Variants in CUL5 observed in about 807,000 individuals in gnomAD.
The protein encoded by CUL5 is cullin-5.
In CUL5, 26 loss-of-function variants were observed where a neutral mutation model predicts 108.8. The ratio of observed to expected loss-of-function variants is 0.24; its 90% CI spans 0.18 to 0.33. The LOEUF (loss-of-function observed/expected upper bound fraction) is 0.33. Among genes scored for constraint, CUL5 ranks in the 10% least tolerant of loss-of-function variants. The pLI is 1.00. For missense variants in CUL5, 524 were observed against 909.2 expected (o/e 0.58, Z 5.45); for synonymous variants, 334 against 298.0 (o/e 1.12, Z -1.25).
At chr11:108,102,296 G>A (rs1310727760) in intron 18 of CUL5, among the ~76,000 whole-genome samples, 1 of 151,642 alleles carries the variant, frequency 6.6e-6, no homozygotes, top group East Asian at 1.9e-4. Flanking sequence ...CTAAAGTGCT[G>A]GGATTACAGG....
At chr11:108,050,120 TG>T in intron 4 of CUL5, 54 bp downstream of exon 4, 1 of 1,442,958 alleles carries the variant, frequency 6.9e-7, no homozygotes, top group Non-Finnish European at 9.3e-7. Context: ...GAGGGTAATT[TG>T]GAAGCATTTG....
chr11:108,051,843 A>G (rs1322678267), intron 4 of CUL5, among the ~76,000 whole-genome samples: 1 of 152,248 alleles, frequency 6.6e-6, no homozygotes, highest in African/African-American at 2.4e-5. Flanking sequence ...GTATTATCAT[A>G]GTTAATTTTT....
intron 5 of CUL5, 22 bp from the exon 6 acceptor site, chr11:108,054,625 T>TA (rs750738840): frequency 6.8e-7 from 1 of 1,469,728 alleles, no homozygotes; most frequent in African/African-American, 1.4e-5. Flanking sequence ...ATTGGAGTAA[T>TA]ACTTTATTTT....
At chr11:108,094,340 A>G (rs1299191554) in intron 13 of CUL5, 51 bp from the exon 14 acceptor site, 1 of 1,357,510 alleles carries the variant, frequency 7.4e-7, no homozygotes, top group Non-Finnish European at 1.0e-6. Context: ...TCCCAGTAAT[A>G]TATCAGATTA....
intron 2 of CUL5, among the ~76,000 whole-genome samples, chr11:108,042,296 T>C (rs1285597788): frequency 6.8e-6 from 1 of 147,102 alleles, no homozygotes; most frequent in Non-Finnish European, 1.5e-5. Context: ...CTCGGCTCAC[T>C]GCAACCTCCA....
chr11:108,032,943 A>C (rs1239879887), intron 1 of CUL5, among the ~76,000 whole-genome samples: 1 of 152,156 alleles, frequency 6.6e-6, no homozygotes, highest in African/African-American at 2.4e-5. Flanking sequence ...TAGATGATAC[A>C]GTCTCCATAT....
At chr11:108,075,808 C>A (rs1863927801) in intron 10 of CUL5, among the ~76,000 whole-genome samples, 1 of 152,168 alleles carries the variant, frequency 6.6e-6, no homozygotes, top group South Asian at 2.1e-4. Context: ...ACGTGAGCCA[C>A]CACCCCTGGC....
rs1211908191 is a variant in CUL5 at position 108,043,338 on chromosome 11, T to C, written c.135-2932T>C. Reference sequence around the variant, plus strand: ...ATCCTCCTGCCTTGGCCTCCAAGAGTGCTAGGATTACAGACATGAGCCAAT... The same window carrying C: ...ATCCTCCTGCCTTGGCCTCCAAGAGCGCTAGGATTACAGACATGAGCCAAT... On this transcript the variant is annotated intron_variant, in intron 2 of 18. Transcript: ENST00000393094. Among the ~76,000 whole-genome samples the C allele has an allele frequency of 2.6e-5, 4 of 152,222 alleles. No homozygotes were observed. In the East Asian group the frequency reaches 7.7e-4, roughly 29 times the overall value.
chr11:108,096,140 T>G (rs1864486790), intron 16 of CUL5, among the ~76,000 whole-genome samples: 1 of 147,858 alleles, frequency 6.8e-6, no homozygotes, highest in Non-Finnish European at 1.5e-5. Context: ...CACGAGATAT[T>G]TATGGAAAAA....
At position 108,073,514 on chromosome 11, in the gene CUL5, A is replaced by G. The variant is rs745976190; in HGVS notation, c.1113+17A>G. ...AGAGATAAGGTATATATTCCTATAT[A>G]TATAAAAAACACTTTTAAAAGTTTT... On this transcript the variant is annotated intron_variant, in intron 10 of 18. Transcript: ENST00000393094. The G allele has an allele frequency of 3.3e-6, 4 of 1,203,582 alleles. No individual in the cohort carries two copies. The highest frequency in any genetic ancestry group is 4.7e-5 in the Admixed American group (2 of 42,868). 74.6% of individuals were successfully genotyped at this position (1,203,582 alleles called of 1,614,324 possible).
intron 7 of CUL5, among the ~76,000 whole-genome samples, chr11:108,057,225 A>G (rs982896295): frequency 6.6e-6 from 1 of 152,140 alleles, no homozygotes; most frequent in Non-Finnish European, 1.5e-5. Flanking sequence ...ATCACGTCTC[A>G]CTATGTTGGT....
At position 108,033,846 on chromosome 11, in the gene CUL5, C is replaced by G; in HGVS notation, c.69C>G (p.Arg23=). ...TTGAAGACAAATGGGATTTTATGCG[C>G]CCGATTGTTTTGAAGCTTTTACGCC... ...LQFEDKWDFM[R]PIVLKLLRQE... Residue 23 remains arginine, a synonymous_variant, in exon 2 of 19, where the codon CGC becomes CGG. Coordinates refer to ENST00000393094, the MANE Select transcript of CUL5 (RefSeq NM_003478.6). The G allele has an allele frequency of 6.2e-7, 1 of 1,612,814 alleles. No homozygotes were observed. Among genetic ancestry groups the G allele is most frequent in the Non-Finnish European group, 8.5e-7 (1 of 1,179,438 alleles).
chr11:108,018,277 T>G (rs1011787384), intron 1 of CUL5, among the ~76,000 whole-genome samples: 7 of 152,166 alleles, frequency 4.6e-5, no homozygotes, highest in African/African-American at 1.4e-4. Flanking sequence ...AACATAGAAT[T>G]GCAGTAGTAA....
rs1023281421 is a variant in CUL5 at position 108,106,784 on chromosome 11, G to A, written c.*2400G>A. ...CCAGCGTACACTTAAAATTGGTGCC[G>A]AGCAGGGATATAACCTGCAGTTAAG... On this transcript the variant is annotated 3_prime_UTR_variant, in exon 19 of 19. Coordinates refer to ENST00000393094, the MANE Select transcript of CUL5 (RefSeq NM_003478.6). The A allele has an allele frequency of 1.0e-4, 15 of 146,174 alleles. No individual in the cohort carries two copies. The highest frequency in any genetic ancestry group is 4.2e-4 in the Admixed American group (6 of 14,338). 9.1% of individuals were successfully genotyped at this position (146,174 alleles called of 1,614,324 possible).
At chr11:108,073,228 AAG>A (rs1863867621) in intron 9 of CUL5, among the ~76,000 whole-genome samples, 160 bp from the exon 10 acceptor site, 1 of 151,804 alleles carries the variant, frequency 6.6e-6, no homozygotes, top group South Asian at 2.1e-4. Flanking sequence ...AGAAAGAAAA[AAG>A]AAGTGGCAAA....
In CUL5 at chr11:108,033,921, C is replaced by T; in HGVS notation, c.134+10C>T. 6.7e-7 allele frequency: 1 copy of T among 1,497,044 alleles called. No homozygotes were observed. The highest frequency in any genetic ancestry group is 9.2e-7 in the Non-Finnish European group (1 of 1,084,050). 92.7% of individuals were successfully genotyped at this position (1,497,044 alleles called of 1,614,324 possible). On this transcript the variant is annotated intron_variant, in intron 2 of 18. Coordinates refer to ENST00000393094, the MANE Select transcript of CUL5 (RefSeq NM_003478.6). ...GGTTTGATCTGTTTTCGTAAGTACC[C>T]CACTAATTCTGTTTGCTAGCATAAA...
chr11:108,014,896 ATTATT>A lies in CUL5; in HGVS notation c.24+5527_24+5531del, dbSNP rs535783284. 4.8e-3 allele frequency among the ~76,000 whole-genome samples: 737 copies of A among 152,166 alleles called. 5 individuals carry two copies. Among genetic ancestry groups the A allele is most frequent in the Non-Finnish European group, 7.9e-3 (539 of 67,998 alleles). ...AGTGCTCGGTGCTCTTATTATTATT[ATTATT>A]TTTATTTTTATTTTTGAGACGGGGT... On this transcript the variant is annotated intron_variant, in intron 1 of 18. Coordinates refer to ENST00000393094, the MANE Select transcript of CUL5 (RefSeq NM_003478.6).
intron 7 of CUL5, among the ~76,000 whole-genome samples, chr11:108,068,826 A>G (rs1479751607): frequency 1.3e-5 from 2 of 152,188 alleles, no homozygotes; most frequent in South Asian, 2.1e-4. Context: ...GACCCTTGCT[A>G]TCTTACCTGA....
chr11:108,012,012 T>C (rs1290056128), intron 1 of CUL5, among the ~76,000 whole-genome samples: 1 of 152,260 alleles, frequency 6.6e-6, no homozygotes, highest in East Asian at 1.9e-4. Context: ...CTTAGAAGTC[T>C]TTCAGCTATG....
Sources: allele counts gnomAD v4.1 joint callset (sites outside exome capture counted in the v4.1 genomes callset), GRCh38; gene constraint gnomAD v4.1.1; transcripts MANE v1.5; gene names NCBI Gene and HGNC (gene_info 2026-07-23, HGNC 2026-07-21).